The following APBA1 variants were observed in gnomAD, a reference collection of about 807,000 sequenced individuals.
APBA1 encodes amyloid beta precursor protein binding family A member 1, also known as amyloid-beta A4 precursor protein-binding family A member 1.
Under a neutral mutation model 86.6 loss-of-function variants are expected in APBA1, and 55 were observed. The observed-to-expected ratio is 0.64, with a 90% confidence interval of 0.51 to 0.80. The LOEUF (loss-of-function observed/expected upper bound fraction) is 0.80. Among genes scored for constraint, APBA1 ranks in the 30% least tolerant of loss-of-function variants. The pLI, the probability that APBA1 is intolerant of heterozygous loss-of-function variation, is 0.00. For missense variants in APBA1, 1,090 were observed against 1,183.0 expected (o/e 0.92, Z 1.15); for synonymous variants, 511 against 493.9 (o/e 1.03, Z -0.46).
intron 1 of APBA1, among the ~76,000 whole-genome samples, chr9:69,526,832 A>G (rs1335625761): frequency 6.6e-6 from 1 of 152,130 alleles, no homozygotes; most frequent in Non-Finnish European, 1.5e-5. Context: ...GGTGCTCATC[A>G]ATGGTGGGCT....
At chr9:69,561,660 C>CA (rs1191038883) in intron 1 of APBA1, among the ~76,000 whole-genome samples, 1 of 150,688 alleles carries the variant, frequency 6.6e-6, no homozygotes, top group African/African-American at 2.4e-5. Flanking sequence ...AACAGAGACT[C>CA]ACTGTGTTGC....
intron 2 of APBA1, among the ~76,000 whole-genome samples, chr9:69,497,920 C>T (rs1029203202): frequency 6.6e-6 from 1 of 152,092 alleles, no homozygotes; most frequent in African/African-American, 2.4e-5. Context: ...GAGGACAAGG[C>T]CAGCAGCTGC....
chr9:69,565,926 C>CA (rs1203764546), intron 1 of APBA1, among the ~76,000 whole-genome samples: 1 of 152,240 alleles, frequency 6.6e-6, no homozygotes, highest in Non-Finnish European at 1.5e-5. Flanking sequence ...CTACGGCTCT[C>CA]AGAGTGAGGA....
intron 1 of APBA1, among the ~76,000 whole-genome samples, chr9:69,656,957 T>C (rs951225013): frequency 1.8e-4 from 28 of 151,694 alleles, no homozygotes; most frequent in African/African-American, 6.3e-4. Context: ...GCCATTCTCC[T>C]GCCTCAGCCT....
At chr9:69,514,707 G>A (rs571648281) in intron 2 of APBA1, among the ~76,000 whole-genome samples, 9 of 152,128 alleles carry the variant, frequency 5.9e-5, no homozygotes, top group African/African-American at 1.9e-4. Flanking sequence ...CCAGCGGTTC[G>A]AGACCAGCCT....
chr9:69,470,133 G>A (rs948011007), intron 4 of APBA1, among the ~76,000 whole-genome samples: 2 of 152,080 alleles, frequency 1.3e-5, no homozygotes, highest in Non-Finnish European at 2.9e-5. Context: ...TTGAGATATG[G>A]TCTTATGTCA....
At chr9:69,467,721 C>G in intron 5 of APBA1, 102 bp downstream of exon 5, 1 of 1,472,662 alleles carries the variant, frequency 6.8e-7, no homozygotes, top group Non-Finnish European at 9.2e-7. Context: ...CATCTCAAAC[C>G]ACTCTCCTCT....
intron 2 of APBA1, among the ~76,000 whole-genome samples, chr9:69,514,570 A>T (rs927943632): frequency 6.9e-6 from 1 of 145,176 alleles, no homozygotes; most frequent in African/African-American, 2.6e-5. Flanking sequence ...GCCTGGGCAA[A>T]AAGAGTGAAA....
chr9:69,505,539 C>T (rs1460993408), intron 2 of APBA1, among the ~76,000 whole-genome samples: 1 of 152,038 alleles, frequency 6.6e-6, no homozygotes, highest in Non-Finnish European at 1.5e-5. Flanking sequence ...TATTATTTTA[C>T]TGCAATTCTA....
Position 69,471,787 on chromosome 9 carries a change from T to G in APBA1, c.1297-92A>C, listed in dbSNP as rs1019824705. 1.8e-5 allele frequency: 18 copies of G among 1,006,514 alleles called. No homozygotes were observed. In the South Asian group the frequency reaches 2.5e-4, roughly 14 times the overall value. 62.3% of individuals were successfully genotyped at this position (1,006,514 alleles called of 1,614,324 possible). A position where few individuals can be genotyped will look rare whatever the true frequency, so the allele number is the denominator to read the frequency against. ...CCATGCAACATGAAAAATAAATACATAATCAGTGGCAGTTACCAATTATTG... is the reference window on the plus strand; with the variant it reads ...CCATGCAACATGAAAAATAAATACAGAATCAGTGGCAGTTACCAATTATTG... On this transcript the variant is annotated intron_variant, in intron 3 of 12. Coordinates refer to ENST00000265381, the MANE Select transcript of APBA1 (RefSeq NM_001163.4).
At chr9:69,602,748 G>T (rs954137521) in intron 1 of APBA1, among the ~76,000 whole-genome samples, 4 of 152,122 alleles carry the variant, frequency 2.6e-5, no homozygotes, top group African/African-American at 9.7e-5. Flanking sequence ...GGCCCTGGGG[G>T]AGAGATTGGG....
intron 1 of APBA1, among the ~76,000 whole-genome samples, chr9:69,579,705 G>T (rs1821878171): frequency 2.0e-5 from 3 of 152,118 alleles, no homozygotes; most frequent in Admixed American, 2.0e-4. Context: ...CAAAGTGGTA[G>T]GTCACAATAA....
chr9:69,559,685 C>T (rs1041169443), intron 1 of APBA1, among the ~76,000 whole-genome samples: 1 of 152,106 alleles, frequency 6.6e-6, no homozygotes, highest in Non-Finnish European at 1.5e-5. Flanking sequence ...CACTGTTGTT[C>T]AGAGAATGCT....
intron 1 of APBA1, among the ~76,000 whole-genome samples, chr9:69,587,748 G>A (rs79639129): frequency 0.054 from 8,169 of 152,228 alleles, 285 homozygotes; most frequent in South Asian, 0.096. Flanking sequence ...ATATTGGCCC[G>A]GCGTGGTGGC....
intron 1 of APBA1, among the ~76,000 whole-genome samples, chr9:69,643,338 G>T (rs1823326302): frequency 6.6e-6 from 1 of 152,098 alleles, no homozygotes; most frequent in African/African-American, 2.4e-5. Flanking sequence ...GCATACAATG[G>T]GGTCAGAGTC....
chr9:69,553,114 C>T (rs887385705), intron 1 of APBA1, among the ~76,000 whole-genome samples: 2 of 152,140 alleles, frequency 1.3e-5, no homozygotes, highest in African/African-American at 2.4e-5. Flanking sequence ...CCATGTTGCC[C>T]ACGTTAGTGT....
At position 69,428,101 on chromosome 9, in the gene APBA1, C is replaced by T. The variant is rs189774936; in HGVS notation, c.*3226G>A. 4 of 152,256 alleles carry T rather than the reference C, an allele frequency of 2.6e-5. No homozygotes were observed. The East Asian group carries it at 7.7e-4, about 29-fold the overall frequency. 9.4% of individuals were successfully genotyped at this position (152,256 alleles called of 1,614,324 possible). The stretch of plus-strand genomic sequence containing the variant: ...GTAAACACATCTAAGGAGGGGCGGC[C>T]CCTGGTTGTAAACATTGGTAACGGC... On this transcript the variant is annotated 3_prime_UTR_variant, in exon 13 of 13. Transcript: ENST00000265381.
Position 69,429,633 on chromosome 9 carries a change from T to C in APBA1, c.*1694A>G, listed in dbSNP as rs930159309. 1 of 152,148 alleles carries C rather than the reference T, an allele frequency of 6.6e-6. No homozygotes were observed. The highest frequency in any genetic ancestry group is 1.5e-5 in the Non-Finnish European group (1 of 68,024). The allele number at this position is 152,148 out of a possible 1,614,324, so 9.4% of individuals were successfully genotyped here. ...CAGAAGATGCAGAGATCTCGGGGAA[T>C]TGATCACAGAACTCTCTGGTTGAAG... On this transcript the variant is annotated 3_prime_UTR_variant, in exon 13 of 13. Transcript: ENST00000265381.
At chr9:69,633,114 CTTTTATTTTATTTTA>C (rs150543042) in intron 1 of APBA1, among the ~76,000 whole-genome samples, 1 of 146,976 alleles carries the variant, frequency 6.8e-6, no homozygotes, top group African/African-American at 2.5e-5. Flanking sequence ...GTAACTGTGT[CTTTTATTTTATTTTA>C]TTTTATTTTT....
Sources: allele counts gnomAD v4.1 joint callset (sites outside exome capture counted in the v4.1 genomes callset), GRCh38; gene constraint gnomAD v4.1.1; transcripts MANE v1.5; gene names NCBI Gene and HGNC (gene_info 2026-07-23, HGNC 2026-07-21).